Variants in BCL9 observed in about 807,000 individuals in gnomAD.
The protein encoded by BCL9 is B-cell CLL/lymphoma 9 protein.
Under a neutral mutation model 88.5 loss-of-function variants are expected in BCL9, and 25 were observed. That is an observed-to-expected ratio of 0.28 (90% CI 0.21 to 0.39). The LOEUF is 0.39. BCL9 is among the 10% of genes least tolerant of loss of function. The pLI is 1.00. For synonymous variants in BCL9, 711 were observed against 673.3 expected, an observed-to-expected ratio of 1.06 and a Z score of -0.87; for missense variants, 1,817 against 1,877.8, an observed-to-expected ratio of 0.97 and a Z score of 0.60.
chr1:147,587,594 G>C (rs1553199399), intron 1 of BCL9, among the ~76,000 whole-genome samples: 1 of 152,190 alleles, frequency 6.6e-6, no homozygotes, highest in African/African-American at 2.4e-5. Flanking sequence ...TGAGTTGTAG[G>C]ATGTTGTGCC....
intron 1 of BCL9, among the ~76,000 whole-genome samples, chr1:147,599,858 G>T: frequency 6.6e-6 from 1 of 151,504 alleles, no homozygotes; most frequent in Non-Finnish European, 1.5e-5. Flanking sequence ...GCGGCGGGTT[G>T]GTACCATCGC....
intron 5 of BCL9, 112 bp downstream of exon 5, chr1:147,613,311 G>A (rs1557855153): frequency 1.9e-6 from 2 of 1,051,340 alleles, no homozygotes; most frequent in South Asian, 1.5e-5. Flanking sequence ...GGGAGAGTAG[G>A]TATCAGATTC....
rs1553205230 is a variant in BCL9 at position 147,620,889 on chromosome 1, G to A, written c.2734G>A (p.Gly912Arg). The change falls in exon 8 of 10, where the codon GGG (glycine) becomes AGG (arginine). Residue 912 changes from glycine (G) to arginine (R), a missense_variant. By Grantham distance (125) the Gly-to-Arg change is moderately radical. This residue lies in a region of BCL9 where 1,228 missense variants were observed against 1,191.6 expected (regional missense o/e 1.03). Transcript: ENST00000234739. ...TTCCATTAAGTCCCCCCCTGTTTTG[G>A]GGTCTGCTGCTGCTTCACCTGTCCA... ...AASIKSPPVL[G>R]SAAASPVHLK... is the part of the protein sequence containing the mutation. 1 of 1,614,094 alleles carries A rather than the reference G, an allele frequency of 6.2e-7. No individual in the cohort carries two copies. Among genetic ancestry groups the A allele is most frequent in the Admixed American group, 1.7e-5 (1 of 60,014 alleles).
chr1:147,617,176 T>A (rs587772474), intron 7 of BCL9, among the ~76,000 whole-genome samples: 1 of 152,344 alleles, frequency 6.6e-6, no homozygotes, highest in East Asian at 1.9e-4. Flanking sequence ...CTTATTGTCC[T>A]GGAATGAATA....
At chr1:147,589,423 A>G (rs1656754431) in intron 1 of BCL9, among the ~76,000 whole-genome samples, 1 of 152,208 alleles carries the variant, frequency 6.6e-6, no homozygotes, top group Non-Finnish European at 1.5e-5. Flanking sequence ...GTGTTGTGCA[A>G]CCAACACTAA....
intron 1 of BCL9, among the ~76,000 whole-genome samples, chr1:147,550,115 A>T (rs917181253): frequency 6.6e-6 from 1 of 151,892 alleles, no homozygotes; most frequent in Non-Finnish European, 1.5e-5. Flanking sequence ...AACCCAACTC[A>T]TCTTTTCACT....
rs587645460 is a variant in BCL9 at position 147,547,088 on chromosome 1, C to T, written c.-478+5414C>T. On this transcript the variant is annotated intron_variant, in intron 1 of 9. Coordinates refer to ENST00000234739, the MANE Select transcript of BCL9 (RefSeq NM_004326.4). ...TATAGTGCTGATGATACATGCTATGCGTTTAACACTATGCTTTTGGGGATG... is the reference window on the plus strand; with the variant it reads ...TATAGTGCTGATGATACATGCTATGTGTTTAACACTATGCTTTTGGGGATG... Among the ~76,000 whole-genome samples, 38 of 152,058 alleles carry T rather than the reference C, an allele frequency of 2.5e-4. No individual in the cohort carries two copies. In the South Asian group the frequency reaches 5.8e-3, roughly 23 times the overall value.
chr1:147,612,823 A>C, intron 4 of BCL9, 60 bp from the exon 5 acceptor site: 4 of 1,542,012 alleles, frequency 2.6e-6, no homozygotes, highest in Non-Finnish European at 3.6e-6. Context: ...GCCTCTCTCT[A>C]ATTTGTGCTG....
intron 1 of BCL9, among the ~76,000 whole-genome samples, chr1:147,569,378 C>T (rs902196832): frequency 3.3e-5 from 5 of 150,790 alleles, no homozygotes; most frequent in Admixed American, 2.7e-4. Flanking sequence ...CCTGTAATCC[C>T]GGTACTTTGG....
intron 9 of BCL9, 99 bp from the exon 10 acceptor site, chr1:147,623,743 T>C (rs1401419128): frequency 2.1e-5 from 28 of 1,336,600 alleles, no homozygotes; most frequent in African/African-American, 4.4e-5. Flanking sequence ...CATTATACTA[T>C]GCACATTGGA....
At chr1:147,577,521 A>C (rs1441081735) in intron 1 of BCL9, among the ~76,000 whole-genome samples, 2 of 152,164 alleles carry the variant, frequency 1.3e-5, no homozygotes, top group African/African-American at 4.8e-5. Context: ...TGGAGGTATC[A>C]TCTAAGACCA....
chr1:147,561,606 C>T (rs782448481), intron 1 of BCL9, among the ~76,000 whole-genome samples: 9 of 152,130 alleles, frequency 5.9e-5, no homozygotes, highest in Non-Finnish European at 1.0e-4. Context: ...CATTCTTCAA[C>T]GAATATTTAT....
rs1447804034 is a variant in BCL9, at chr1:147,625,770, C to G, written c.*811C>G. 1 of 233,248 alleles carries G rather than the reference C, an allele frequency of 4.3e-6. No individual in the cohort carries two copies. The highest frequency in any genetic ancestry group is 8.5e-6 in the Non-Finnish European group (1 of 117,798). 14.4% of individuals were successfully genotyped at this position (233,248 alleles called of 1,614,324 possible). A position where few individuals can be genotyped will look rare whatever the true frequency, so the allele number is the denominator to read the frequency against. On this transcript the variant is annotated 3_prime_UTR_variant, in exon 10 of 10. Transcript: ENST00000234739. ...TTAAGTGTTTCCTTCCTTTGTGCCC[C>G]CCGCTGGTGACCCTCTGCTTCCCTC...
chr1:147,624,917 A>T lies in BCL9; in HGVS notation c.4239A>T (p.Gly1413=), dbSNP rs373963904. 3 of 1,612,926 alleles carry T rather than the reference A, an allele frequency of 1.9e-6. No homozygotes were observed. The highest frequency in any genetic ancestry group is 2.5e-6 in the Non-Finnish European group (3 of 1,179,120). The change falls in exon 10 of 10, where the codon GGA becomes GGT. Residue 1413 remains glycine (G), a synonymous_variant. Transcript: ENST00000234739. This position sits in a 1 kb window ranked among gnomAD's most constrained non-coding sequence, Gnocchi z 4.4. ...TGGCTGCTGACGTGGGCATGGGTGG[A>T]TTTAGCCAAGGACCTGGCAACCCAG... ...RGMAADVGMG[G]FSQGPGNPGN...
chr1:147,591,863 G>T (rs185426370), intron 1 of BCL9, among the ~76,000 whole-genome samples: 1 of 152,046 alleles, frequency 6.6e-6, no homozygotes, highest in Non-Finnish European at 1.5e-5. Context: ...TGGTTTGTGC[G>T]GTGTCTGTAA....
intron 1 of BCL9, among the ~76,000 whole-genome samples, chr1:147,556,990 C>A (rs920535745): frequency 4.6e-5 from 7 of 152,192 alleles, no homozygotes; most frequent in Non-Finnish European, 8.8e-5. Context: ...CAAAGCTTGG[C>A]TTTGCCACTG....
At chr1:147,571,423 G>GCC (rs1553197404) in intron 1 of BCL9, among the ~76,000 whole-genome samples, 13 of 152,094 alleles carry the variant, frequency 8.5e-5, no homozygotes, top group Non-Finnish European at 1.2e-4. Context: ...ATAGGCAAGA[G>GCC]TGGTTTCAGG....
intron 1 of BCL9, among the ~76,000 whole-genome samples, chr1:147,550,721 G>A (rs1654856708): frequency 6.6e-6 from 1 of 152,166 alleles, no homozygotes; most frequent in African/African-American, 2.4e-5. Context: ...TCCCTGTTCT[G>A]TACTTGATCC....
chr1:147,583,317 C>T (rs1421014602), intron 1 of BCL9, among the ~76,000 whole-genome samples: 3 of 151,754 alleles, frequency 2.0e-5, no homozygotes, highest in African/African-American at 7.3e-5. Flanking sequence ...TTGCTCTGTT[C>T]CCCAGGCTGG....
Sources: gnomAD v4.1 joint callset for allele counts (sites outside exome capture counted in the v4.1 genomes callset) on GRCh38, gnomAD v4.1.1 for gene constraint, gnomAD v4.1.1 regional missense constraint, Gnocchi (gnomAD v3.1) non-coding constraint, MANE v1.5 for transcripts, NCBI Gene and HGNC (gene_info 2026-07-23, HGNC 2026-07-21) for gene names.